The following MCTP1 variants were observed in gnomAD, a reference collection of about 807,000 sequenced individuals.
MCTP1 encodes multiple C2 and transmembrane domain containing 1.
In MCTP1, 69 loss-of-function variants were observed where a neutral mutation model predicts 120.6. The observed-to-expected ratio is 0.57, with a 90% CI of 0.47 to 0.70. The LOEUF (loss-of-function observed/expected upper bound fraction) is 0.70, where lower values mean the gene tolerates loss of function less well. Ranked by LOEUF, MCTP1 falls within the 30% of genes least tolerant of loss-of-function variation. The probability of loss-of-function intolerance (pLI) is 0.00; values close to 1 mark genes in which losing one functional copy is unlikely to be tolerated. For missense variants in MCTP1, 1,203 were observed against 1,248.8 expected (o/e 0.96, Z 0.55); for synonymous variants, 529 against 493.1 (o/e 1.07, Z -0.96).
intron 1 of MCTP1, among the ~76,000 whole-genome samples, chr5:95,269,372 T>C (rs1192100356): frequency 6.6e-6 from 1 of 152,194 alleles, no homozygotes; most frequent in African/African-American, 2.4e-5. Context: ...ATGGAATGTA[T>C]AGCATTATTT....
At chr5:94,947,555 A>AAT (rs377155852) in intron 3 of MCTP1, among the ~76,000 whole-genome samples, 3,044 of 38,716 alleles carry the variant, frequency 0.079, 268 homozygotes, top group African/African-American at 0.12. Context: ...TAGTTTACTA[A>AAT]ATATATATAT....
intron 1 of MCTP1, among the ~76,000 whole-genome samples, chr5:95,018,785 A>G (rs1349483868): frequency 1.3e-5 from 2 of 152,014 alleles, no homozygotes; most frequent in African/African-American, 4.8e-5. Context: ...CCATCTCTGT[A>G]TGACATCTCC....
At chr5:94,868,214 T>C (rs946808404) in intron 17 of MCTP1, 119 bp downstream of exon 17, 49 of 999,094 alleles carry the variant, frequency 4.9e-5, no homozygotes, top group Non-Finnish European at 6.6e-5. Context: ...CAGTCAAGTC[T>C]TAAAATAGGA....
intron 2 of MCTP1, among the ~76,000 whole-genome samples, chr5:95,012,930 T>C (rs1295319357): frequency 6.6e-6 from 1 of 152,122 alleles, no homozygotes; most frequent in South Asian, 2.1e-4. Flanking sequence ...TTAAACTTAG[T>C]GACAATGGCA....
chr5:95,276,386 C>T lies in MCTP1; in HGVS notation c.720+7470G>A, dbSNP rs559602979. On this transcript the variant is annotated intron_variant, in intron 1 of 22. Coordinates refer to ENST00000515393, the MANE Select transcript of MCTP1 (RefSeq NM_024717.7). ...CGATTCTCCTGTCTCAGCCTCCCGA[C>T]TAGCTGGGATTATAGGTACCTACTC... 2.7e-5 allele frequency among the ~76,000 whole-genome samples: 4 copies of T among 150,356 alleles called. No homozygotes were observed. The East Asian group carries it at 8.1e-4, about 30-fold the overall frequency.
intron 1 of MCTP1, among the ~76,000 whole-genome samples, chr5:95,109,347 AAGTTCTATTCTC>A (rs1416203168): frequency 6.6e-6 from 1 of 152,180 alleles, no homozygotes; most frequent in Admixed American, 6.6e-5. Context: ...ACAATTCTAA[AAGTTCTATTCTC>A]AGATTTACTT....
intron 1 of MCTP1, among the ~76,000 whole-genome samples, chr5:95,239,840 C>T (rs1755962064): frequency 6.6e-6 from 1 of 152,104 alleles, no homozygotes; most frequent in Non-Finnish European, 1.5e-5. Flanking sequence ...TATCTCTCTC[C>T]TCACACTTTT....
chr5:95,265,522 T>C (rs1758811606), intron 1 of MCTP1, among the ~76,000 whole-genome samples: 1 of 152,224 alleles, frequency 6.6e-6, no homozygotes, highest in African/African-American at 2.4e-5. Context: ...TGCAGGCTTC[T>C]ACATTTCCCA....
In MCTP1 at chr5:94,871,365, G is replaced by C. The variant is rs766406559; in HGVS notation, c.2089C>G (p.Arg697Gly). 25 of 1,612,256 alleles carry C rather than the reference G, an allele frequency of 1.6e-5. No homozygotes were observed. In the South Asian group the frequency reaches 2.5e-4, roughly 16 times the overall value. Residue 697 changes from arginine (R) to glycine (G), a missense_variant, in exon 14 of 23, where the codon CGG (arginine) becomes GGG (glycine). Physicochemically the swap from Arg to Gly is moderately radical, Grantham distance 125 (BLOSUM62 -2). Transcript: ENST00000515393. ...VLEVTVYDED[R>G]DRSADFLGKV... ...CCCAGAAAGTCAGCACTTCGATCCC[G>C]ATCTTCATCATAAACTGTCACTTCA...
Position 94,779,099 on chromosome 5 carries a change from A to G in MCTP1, c.2610+11T>C. On this transcript the variant is annotated intron_variant, in intron 19 of 22. Transcript: ENST00000515393. ...ATCCCCAGGTACCCAAGTGCTGGGA[A>G]AGATAATTACCTTGTCATCTTTGTC... 1 of 1,611,404 alleles carries G rather than the reference A, an allele frequency of 6.2e-7. No homozygotes were observed.
intron 1 of MCTP1, among the ~76,000 whole-genome samples, chr5:95,225,367 C>T (rs778484495): frequency 6.6e-6 from 1 of 152,176 alleles, no homozygotes; most frequent in African/African-American, 2.4e-5. Context: ...TCCCTCTTAA[C>T]ATTTTCATAA....
At chr5:94,921,739 A>G (rs140164683) in intron 7 of MCTP1, among the ~76,000 whole-genome samples, 101 of 152,340 alleles carry the variant, frequency 6.6e-4, no homozygotes, top group African/African-American at 2.4e-3. Context: ...GATTTTGTAA[A>G]TGGCACATCA....
intron 2 of MCTP1, among the ~76,000 whole-genome samples, chr5:94,973,925 G>A (rs1827469154): frequency 6.6e-6 from 1 of 151,984 alleles, no homozygotes; most frequent in African/African-American, 2.4e-5. Flanking sequence ...AGTAGAAGAT[G>A]CACATAGATA....
chr5:94,954,196 A>ATATATGCATATATATACATG (rs1471451664), intron 2 of MCTP1, among the ~76,000 whole-genome samples: 5 of 115,950 alleles, frequency 4.3e-5, no homozygotes, highest in Admixed American at 1.9e-4. Flanking sequence ...ATATATATAT[A>ATATATGCATATATATACATG]TATATATATG....
intron 1 of MCTP1, among the ~76,000 whole-genome samples, chr5:95,108,241 C>A (rs1243748541): frequency 6.6e-6 from 1 of 152,130 alleles, no homozygotes; most frequent in African/African-American, 2.4e-5. Context: ...GGGATTTTGT[C>A]AATCTCCCTT....
chr5:94,947,603 G>GAC (rs1554147777), intron 3 of MCTP1, among the ~76,000 whole-genome samples: 5,345 of 104,426 alleles, frequency 0.051, 306 homozygotes, highest in African/African-American at 0.069. Flanking sequence ...GAGAGAGAGA[G>GAC]AGAGAGAGAG....
At chr5:95,173,999 G>T (rs1318554391) in intron 1 of MCTP1, among the ~76,000 whole-genome samples, 1 of 152,130 alleles carries the variant, frequency 6.6e-6, no homozygotes, top group Non-Finnish European at 1.5e-5. Flanking sequence ...ATATAAAGTA[G>T]TTGAAAGGAT....
intron 1 of MCTP1, among the ~76,000 whole-genome samples, chr5:95,135,115 T>C (rs1027102766): frequency 4.8e-5 from 7 of 144,690 alleles, no homozygotes; most frequent in Admixed American, 1.4e-4. Flanking sequence ...AGATCAGGCA[T>C]AGTTCCAATA....
intron 2 of MCTP1, among the ~76,000 whole-genome samples, chr5:94,953,844 C>CAAATATATATGCATATATAT (rs1561916344): frequency 8.6e-4 from 12 of 13,992 alleles, no homozygotes; most frequent in African/African-American, 3.6e-3. Context: ...TATATATATA[C>CAAATATATATGCATATATAT]ACAACTATAT....
Sources: gnomAD v4.1 joint callset for allele counts (sites outside exome capture counted in the v4.1 genomes callset) on GRCh38, gnomAD v4.1.1 for gene constraint, MANE v1.5 for transcripts, NCBI Gene and HGNC (gene_info 2026-07-23, HGNC 2026-07-21) for gene names.